The following NINL variants were observed in gnomAD, a reference collection of about 807,000 sequenced individuals.
NINL encodes the protein ninein-like protein.
In NINL, 153 loss-of-function variants were observed where a neutral mutation model predicts 160.3. The ratio of observed to expected loss-of-function variants is 0.95; its 90% CI spans 0.84 to 1.09. NINL has a LOEUF of 1.09. Among genes scored for constraint, NINL ranks in the 50% least tolerant of loss-of-function variants. The pLI, the probability that NINL is intolerant of heterozygous loss-of-function variation, is 0.00. For synonymous variants in NINL, 800 were observed against 734.8 expected (o/e 1.09, Z -1.43); for missense variants, 1,829 against 1,764.0 (o/e 1.04, Z -0.66).
At chr20:25,570,909 G>A (rs911921561) in intron 1 of NINL, among the ~76,000 whole-genome samples, 1 of 151,634 alleles carries the variant, frequency 6.6e-6, no homozygotes, top group Admixed American at 6.6e-5. Flanking sequence ...CACCATGTTG[G>A]CCAGGCTGGT....
intron 1 of NINL, among the ~76,000 whole-genome samples, chr20:25,570,095 G>A (rs552405902): frequency 9.7e-4 from 148 of 152,218 alleles, no homozygotes; most frequent in Non-Finnish European, 1.8e-3. Flanking sequence ...CAGGAGAATC[G>A]TTTTAACACA....
chr20:25,547,414 AT>A (rs975484562), intron 1 of NINL, among the ~76,000 whole-genome samples: 1 of 152,152 alleles, frequency 6.6e-6, no homozygotes. Flanking sequence ...ACCCCCAGAG[AT>A]GGTCTTGGGG....
intron 10 of NINL, 100 bp downstream of exon 10, chr20:25,496,563 A>AGGG: frequency 6.9e-7 from 1 of 1,443,684 alleles, no homozygotes; most frequent in Non-Finnish European, 9.4e-7. Flanking sequence ...ACTGAGCCAC[A>AGGG]CCCGCAGCTC....
At chr20:25,528,833 T>C (rs540129635) in intron 1 of NINL, among the ~76,000 whole-genome samples, 31 of 152,186 alleles carry the variant, frequency 2.0e-4, no homozygotes, top group Non-Finnish European at 1.0e-4. Context: ...AACAACAACA[T>C]GAAAAGTCAA....
intron 1 of NINL, among the ~76,000 whole-genome samples, chr20:25,535,214 G>A (rs2147014954): frequency 6.6e-6 from 1 of 152,310 alleles, no homozygotes; most frequent in East Asian, 1.9e-4. Context: ...TTCTAGAGCA[G>A]CTGGCCGCAG....
At chr20:25,545,728 T>C (rs1009307505) in intron 1 of NINL, among the ~76,000 whole-genome samples, 1 of 152,346 alleles carries the variant, frequency 6.6e-6, no homozygotes, top group East Asian at 1.9e-4. Flanking sequence ...TAGCAAGCCC[T>C]GGAAGTACTT....
At chr20:25,553,225 C>T (rs183857989) in intron 1 of NINL, among the ~76,000 whole-genome samples, 18 of 151,482 alleles carry the variant, frequency 1.2e-4, no homozygotes, top group African/African-American at 3.4e-4. Context: ...ACCTCAGCTG[C>T]CCAAGTGGGT....
At chr20:25,525,619 A>C (rs2064344885) in intron 2 of NINL, among the ~76,000 whole-genome samples, 3 of 152,160 alleles carry the variant, frequency 2.0e-5, no homozygotes, top group African/African-American at 7.2e-5. Flanking sequence ...GCTCCACTAC[A>C]CTCCAGCCTG....
intron 12 of NINL, 50 bp downstream of exon 12, chr20:25,489,825 G>A (rs2063584325): frequency 6.7e-7 from 1 of 1,496,808 alleles, no homozygotes; most frequent in Non-Finnish European, 9.3e-7. Flanking sequence ...CCCCCACTCT[G>A]CCCAGCAGGC....
In NINL at chr20:25,531,648, G is replaced by A. The variant is rs6138597; in HGVS notation, c.-11-5050C>T. On this transcript the variant is annotated intron_variant, in intron 1 of 23. Coordinates refer to ENST00000278886, the MANE Select transcript of NINL (RefSeq NM_025176.6). ...GGGAGAAGACAAAACCTCCTGCATC[G>A]AACATCCCTGCTCCTTCCTCTTCGT... Among the ~76,000 whole-genome samples the A allele has an allele frequency of 7.4e-4, 113 of 152,226 alleles. 3 individuals carry two copies. The East Asian group carries it at 0.019, about 26-fold the overall frequency.
At chr20:25,534,568 C>T (rs2064524440) in intron 1 of NINL, among the ~76,000 whole-genome samples, 1 of 152,148 alleles carries the variant, frequency 6.6e-6, no homozygotes, top group Admixed American at 6.5e-5. Context: ...ACACTGGAGG[C>T]AATTGTAACA....
intron 20 of NINL, among the ~76,000 whole-genome samples, 184 bp from the exon 21 acceptor site, chr20:25,461,819 C>T (rs528710354): frequency 6.6e-5 from 10 of 152,352 alleles, no homozygotes; most frequent in East Asian, 3.9e-4. Context: ...TCTACACACA[C>T]GCATCTCCCT....
chr20:25,498,833 G>A (rs2063811073), intron 8 of NINL: 2 of 937,952 alleles, frequency 2.1e-6, no homozygotes, highest in Non-Finnish European at 1.3e-6. Context: ...AAGCCAAAAA[G>A]CTTTCCAGAG....
intron 5 of NINL, among the ~76,000 whole-genome samples, chr20:25,510,366 C>T (rs570459642): frequency 9.9e-4 from 151 of 152,370 alleles, no homozygotes; most frequent in Non-Finnish European, 1.6e-3. Context: ...CAGGGCCACA[C>T]CTGCCAGCTG....
intron 1 of NINL, among the ~76,000 whole-genome samples, chr20:25,529,079 C>T (rs1250980184): frequency 6.6e-6 from 1 of 152,112 alleles, no homozygotes; most frequent in African/African-American, 2.4e-5. Flanking sequence ...GCATGCTCCT[C>T]ATCTTACTCA....
At chr20:25,499,034 A>G (rs1359649935) in intron 8 of NINL, 8 of 985,232 alleles carry the variant, frequency 8.1e-6, no homozygotes, top group Non-Finnish European at 9.6e-6. Flanking sequence ...TCTGCTTTCC[A>G]CTTGTGGCTA....
At chr20:25,523,253 AAT>A (rs141751406) in intron 2 of NINL, among the ~76,000 whole-genome samples, 70 of 148,632 alleles carry the variant, frequency 4.7e-4, no homozygotes, top group Admixed American at 8.7e-4. Flanking sequence ...TATATGAGAG[AAT>A]ATATATATAT....
chr20:25,492,112 T>C (rs1235644432), intron 10 of NINL, among the ~76,000 whole-genome samples: 1 of 152,232 alleles, frequency 6.6e-6, no homozygotes, highest in African/African-American at 2.4e-5. Context: ...CTACCCAGAC[T>C]GAAGACCAGC....
intron 5 of NINL, among the ~76,000 whole-genome samples, chr20:25,505,958 G>A (rs2063953992): frequency 6.6e-6 from 1 of 152,244 alleles, no homozygotes; most frequent in Admixed American, 6.5e-5. Context: ...GGTCAGCCAT[G>A]CAAGCACTTA....
Sources: allele counts gnomAD v4.1 joint callset (sites outside exome capture counted in the v4.1 genomes callset), GRCh38; gene constraint gnomAD v4.1.1; transcripts MANE v1.5; gene names NCBI Gene and HGNC (gene_info 2026-07-23, HGNC 2026-07-21).